Variants in TET2 observed in about 807,000 individuals in gnomAD.
The protein encoded by TET2 is tet methylcytosine dioxygenase 2.
A neutral mutation model predicts 142.9 loss-of-function variants in TET2; 299 were observed. The ratio of observed to expected loss-of-function variants is 2.09; its 90% confidence interval spans 1.90 to 2.30. The LOEUF is 2.30. TET2 is among the 30% of genes most tolerant of loss of function. The probability of loss-of-function intolerance (pLI) is 0.00; values close to 1 mark genes in which losing one functional copy is unlikely to be tolerated. For synonymous variants in TET2, 819 were observed against 849.0 expected (o/e 0.96, Z 0.61); for missense variants, 2,418 against 2,378.0 (o/e 1.02, Z -0.35).
intron 4 of TET2, chr4:105,242,550 C>A: frequency 8.6e-7 from 1 of 1,168,662 alleles, no homozygotes; most frequent in Non-Finnish European, 1.1e-6. Flanking sequence ...GAATTTTGTG[C>A]TTTGTGAAAT....
chr4:105,212,653 A>T, intron 2 of TET2, among the ~76,000 whole-genome samples: 1 of 152,264 alleles, frequency 6.6e-6, no homozygotes, highest in South Asian at 2.1e-4. Context: ...TGAATTAATG[A>T]TATTAGTCTC....
At chr4:105,181,574 T>C (rs141047577) in intron 1 of TET2, among the ~76,000 whole-genome samples, 3 of 152,334 alleles carry the variant, frequency 2.0e-5, no homozygotes, top group African/African-American at 7.2e-5. Context: ...AAAAATGGTT[T>C]AAAACTTCTT....
intron 8 of TET2, 53 bp downstream of exon 8, chr4:105,261,901 G>T: frequency 9.7e-7 from 1 of 1,035,418 alleles, no homozygotes; most frequent in South Asian, 1.5e-5. Flanking sequence ...TGTTACTAAT[G>T]ACCTATGTCC....
intron 3 of TET2, chr4:105,239,080 T>TTGTTTTTTTG (rs996959463): frequency 5.2e-5 from 12 of 231,046 alleles, no homozygotes; most frequent in African/African-American, 2.8e-4. Flanking sequence ...TTTTGTTTTT[T>TTGTTTTTTTG]TTTTTTGTTT....
chr4:105,255,500 GT>G (rs1272647723), intron 6 of TET2, among the ~76,000 whole-genome samples: 1 of 152,142 alleles, frequency 6.6e-6, no homozygotes, highest in African/African-American at 2.4e-5. Context: ...GTTAGACCTA[GT>G]TGGTTTATAG....
Position 105,275,724 on chromosome 4 carries a change from T to C in TET2, c.5214T>C (p.Ser1738=). The C allele has an allele frequency of 6.4e-7, 1 of 1,551,780 alleles. No individual in the cohort carries two copies. Among genetic ancestry groups the C allele is most frequent in the African/African-American group, 1.4e-5 (1 of 73,156 alleles). Residue 1738 remains serine, a synonymous_variant, in exon 11 of 11, where the codon TCT becomes TCC. Coordinates refer to ENST00000380013, the MANE Select transcript of TET2 (RefSeq NM_001127208.3). ...ATGGCCACTTCATGGGAGCCACCTC[T>C]AGATTACCACCCAATCTGAGCAATC... ...EMDGHFMGAT[S]RLPPNLSNPN...
intron 2 of TET2, among the ~76,000 whole-genome samples, chr4:105,198,822 G>C (rs1014142097): frequency 1.3e-5 from 2 of 152,192 alleles, no homozygotes; most frequent in Non-Finnish European, 2.9e-5. Flanking sequence ...TGGGAGTCGA[G>C]TAGTCAGAAC....
intron 2 of TET2, among the ~76,000 whole-genome samples, chr4:105,196,336 G>A (rs1365072340): frequency 6.6e-6 from 1 of 152,000 alleles, no homozygotes; most frequent in Non-Finnish European, 1.5e-5. Flanking sequence ...TGAAGTTTTT[G>A]CAATTAGAAT....
Position 105,275,835 on chromosome 4 carries a change from C to T in TET2, c.5325C>T (p.Ser1775=). ...NYSAAPGMFN[S]SLHALHLQNK... is the part of the protein sequence containing the mutation. ...GTGCAGCTCCGGGCATGTTCAACAG[C>T]TCTCTTCATGCCCTGCATCTCCAAA... The change falls in exon 11 of 11, where the codon AGC becomes AGT. Residue 1775 remains serine (S), a synonymous_variant. Coordinates refer to ENST00000380013, the MANE Select transcript of TET2 (RefSeq NM_001127208.3). 1 of 1,551,810 alleles carries T rather than the reference C, an allele frequency of 6.4e-7. No homozygotes were observed. The highest frequency in any genetic ancestry group is 8.7e-7 in the Non-Finnish European group (1 of 1,146,988).
At chr4:105,215,712 C>A (rs370692298) in intron 2 of TET2, among the ~76,000 whole-genome samples, 2 of 151,950 alleles carry the variant, frequency 1.3e-5, no homozygotes, top group African/African-American at 2.4e-5. Context: ...TTTTTTTTCC[C>A]CCTTATCTGC....
intron 2 of TET2, among the ~76,000 whole-genome samples, chr4:105,210,905 A>G (rs1727119814): frequency 6.6e-6 from 1 of 152,164 alleles, no homozygotes; most frequent in Admixed American, 6.6e-5. Flanking sequence ...CAGCTACCAG[A>G]GTGATCTTTT....
chr4:105,188,460 G>A (rs894066565), intron 1 of TET2, among the ~76,000 whole-genome samples: 1 of 152,118 alleles, frequency 6.6e-6, no homozygotes, highest in Non-Finnish European at 1.5e-5. Context: ...TGGTTGCACA[G>A]CAATGTGAAT....
chr4:105,237,454 C>T (rs1324511493), intron 3 of TET2, 103 bp downstream of exon 3: 1 of 1,612,714 alleles, frequency 6.2e-7, no homozygotes, highest in Admixed American at 1.7e-5. Flanking sequence ...TTGAGTCTGG[C>T]AGCAATTTGT....
intron 1 of TET2, among the ~76,000 whole-genome samples, chr4:105,174,988 G>A (rs773357020): frequency 3.9e-5 from 6 of 152,144 alleles, no homozygotes; most frequent in South Asian, 2.1e-4. Context: ...TCCTGTCCAC[G>A]TTAGGGGGCC....
chr4:105,176,365 G>A (rs1724795728), intron 1 of TET2, among the ~76,000 whole-genome samples: 1 of 152,102 alleles, frequency 6.6e-6, no homozygotes, highest in African/African-American at 2.4e-5. Context: ...TTTGTTCACG[G>A]ATGACAGTTG....
At chr4:105,180,753 C>A (rs2110448916) in intron 1 of TET2, among the ~76,000 whole-genome samples, 1 of 152,212 alleles carries the variant, frequency 6.6e-6, no homozygotes, top group South Asian at 2.1e-4. Flanking sequence ...GATTCTCCTG[C>A]CTCAGCCTGC....
intron 2 of TET2, among the ~76,000 whole-genome samples, chr4:105,216,513 C>T (rs1254877434): frequency 1.3e-5 from 2 of 151,828 alleles, no homozygotes; most frequent in African/African-American, 4.8e-5. Flanking sequence ...AAGATGGATA[C>T]GATAGAGGGG....
At chr4:105,208,022 G>T (rs990256139) in intron 2 of TET2, among the ~76,000 whole-genome samples, 1 of 152,164 alleles carries the variant, frequency 6.6e-6, no homozygotes, top group African/African-American at 2.4e-5. Context: ...ATGACTAGGA[G>T]ACAATTGAAA....
chr4:105,194,080 G>C (rs1168001058), intron 2 of TET2, among the ~76,000 whole-genome samples: 1 of 151,948 alleles, frequency 6.6e-6, no homozygotes, highest in Admixed American at 6.6e-5. Flanking sequence ...TATCTAACTT[G>C]GTCTAGCCCA....
Sources: allele counts gnomAD v4.1 joint callset (sites outside exome capture counted in the v4.1 genomes callset), GRCh38; gene constraint gnomAD v4.1.1; transcripts MANE v1.5; gene names NCBI Gene and HGNC (gene_info 2026-07-23, HGNC 2026-07-21).